Variants in PRKCQ observed in about 807,000 individuals in gnomAD.
PRKCQ encodes the protein protein kinase C theta, also known as protein kinase C theta type.
PRKCQ carries 41 observed loss-of-function variants against 91.2 expected under a neutral mutation model. The ratio of observed to expected loss-of-function variants is 0.45; its 90% confidence interval spans 0.35 to 0.58. PRKCQ has a LOEUF of 0.58. Among genes scored for constraint, PRKCQ ranks in the 20% least tolerant of loss-of-function variants. The probability of loss-of-function intolerance (pLI) is 0.00; values close to 1 mark genes in which losing one functional copy is unlikely to be tolerated. For missense variants in PRKCQ, 673 were observed against 896.5 expected, an observed-to-expected ratio of 0.75 and a Z score of 3.18; for synonymous variants, 307 against 316.9, an observed-to-expected ratio of 0.97 and a Z score of 0.33.
intron 1 of PRKCQ, among the ~76,000 whole-genome samples, chr10:6,551,574 T>G (rs1341897935): frequency 6.6e-6 from 1 of 151,994 alleles, no homozygotes; most frequent in Non-Finnish European, 1.5e-5. Flanking sequence ...TATTTTGTAT[T>G]TTTAGTAGAG....
Position 6,517,586 on chromosome 10 carries a change from A to T in PRKCQ, c.-9-2442T>A, listed in dbSNP as rs77452246. 8.7e-3 allele frequency among the ~76,000 whole-genome samples: 733 copies of T among 84,142 alleles called. 9 individuals carry two copies. Among genetic ancestry groups the T allele is most frequent in the African/African-American group, 0.036 (705 of 19,838 alleles). 55.2% of individuals were successfully genotyped at this position (84,142 alleles called of 152,430 possible). A position where few individuals can be genotyped will look rare whatever the true frequency, so the allele number is the denominator to read the frequency against. On this transcript the variant is annotated intron_variant, in intron 1 of 17. Transcript: ENST00000263125. ...GAAAAAAATGCATCTTTAAGATAGC[A>T]TCTTTTTTTTTTTTTTTTTTTTTTT...
intron 15 of PRKCQ, among the ~76,000 whole-genome samples, chr10:6,449,811 C>G (rs1051031271): frequency 1.4e-3 from 217 of 152,270 alleles, no homozygotes; most frequent in African/African-American, 4.9e-3. Flanking sequence ...TTTCAACCCA[C>G]AATTTCATAT....
Position 6,428,273 on chromosome 10 carries a change from G to A in PRKCQ, c.2055C>T (p.Ser685=), listed in dbSNP as rs769018016. 3.7e-6 allele frequency: 6 copies of A among 1,614,068 alleles called. No homozygotes were observed. The highest frequency in any genetic ancestry group is 3.3e-5 in the Admixed American group (2 of 59,990). ...AGTTCCTGAACATATTCTGGTCCAT[G>A]CTGTTGATCAGTGCTCTGTCGGCAA... ...LSFADRALIN[S]MDQNMFRNFS... Residue 685 remains serine (S), a synonymous_variant, in exon 18 of 18, where the codon AGC becomes AGT. Coordinates refer to ENST00000263125, the MANE Select transcript of PRKCQ (RefSeq NM_006257.5).
At chr10:6,520,463 G>A (rs1477896038) in intron 1 of PRKCQ, among the ~76,000 whole-genome samples, 1 of 152,188 alleles carries the variant, frequency 6.6e-6, no homozygotes, top group Non-Finnish European at 1.5e-5. Context: ...CAGCCTGAAT[G>A]ATCTTAGGAT....
chr10:6,441,822 A>G (rs1481945671), intron 16 of PRKCQ, 71 bp downstream of exon 16: 3 of 1,453,654 alleles, frequency 2.1e-6, no homozygotes, highest in Non-Finnish European at 2.8e-6. Flanking sequence ...GTTGGAAACT[A>G]AGAGGAACAG....
chr10:6,519,116 A>C (rs1238034150), intron 1 of PRKCQ, among the ~76,000 whole-genome samples: 1 of 152,242 alleles, frequency 6.6e-6, no homozygotes, highest in African/African-American at 2.4e-5. Flanking sequence ...ATACACAAGA[A>C]AGAAATTAAC....
At chr10:6,411,713 C>T in the PRKCQ span, among the ~76,000 whole-genome samples, 1 of 152,260 alleles carries the variant, frequency 6.6e-6, no homozygotes, top group Admixed American at 6.5e-5. Flanking sequence ...AAAATATTGG[C>T]TAAATTGTCC....
intron 16 of PRKCQ, among the ~76,000 whole-genome samples, chr10:6,431,235 A>T (rs1383222334): frequency 6.6e-6 from 1 of 152,192 alleles, no homozygotes; most frequent in African/African-American, 2.4e-5. Flanking sequence ...CAGTTTCCTC[A>T]CCTGTAAAGT....
intron 8 of PRKCQ, among the ~76,000 whole-genome samples, chr10:6,491,359 G>A (rs1436106317): frequency 6.6e-6 from 1 of 152,222 alleles, no homozygotes; most frequent in African/African-American, 2.4e-5. Context: ...GAGGAAACTA[G>A]TAGTAGAAAG....
chr10:6,447,205 G>A (rs975772995), intron 15 of PRKCQ, among the ~76,000 whole-genome samples: 1 of 151,988 alleles, frequency 6.6e-6, no homozygotes, highest in Non-Finnish European at 1.5e-5. Flanking sequence ...TTAAGAGATC[G>A]AGACCATCCT....
chr10:6,472,555 T>TAAA (rs974674754), intron 12 of PRKCQ, among the ~76,000 whole-genome samples: 1 of 152,230 alleles, frequency 6.6e-6, no homozygotes, highest in Non-Finnish European at 1.5e-5. Context: ...AAATGCGTTT[T>TAAA]ACGCCTTGAG....
intron 11 of PRKCQ, among the ~76,000 whole-genome samples, chr10:6,482,653 T>G (rs1037510918): frequency 6.6e-6 from 1 of 152,134 alleles, no homozygotes; most frequent in Non-Finnish European, 1.5e-5. Flanking sequence ...TATTAGTCTG[T>G]TATCACACTG....
intron 3 of PRKCQ, 85 bp from the exon 4 acceptor site, chr10:6,507,581 G>A: frequency 8.5e-7 from 1 of 1,173,088 alleles, no homozygotes; most frequent in East Asian, 2.3e-5. Context: ...GACGATGGCA[G>A]GAGATTTCCA....
chr10:6,436,986 C>T (rs900549883), intron 16 of PRKCQ, among the ~76,000 whole-genome samples: 1 of 152,138 alleles, frequency 6.6e-6, no homozygotes, highest in African/African-American at 2.4e-5. Flanking sequence ...ATTTATGGGC[C>T]ATGAGGGGTG....
chr10:6,411,707 T>C, the PRKCQ span, among the ~76,000 whole-genome samples: 1 of 152,176 alleles, frequency 6.6e-6, no homozygotes, highest in African/African-American at 2.4e-5. Flanking sequence ...AAACCTAAAA[T>C]ATTGGCTAAA....
rs200711141 is a variant in PRKCQ, at chr10:6,428,294, G to A, written c.2034C>T (p.Ala678=). Residue 678 remains alanine, a synonymous_variant, in exon 18 of 18, where the codon GCC becomes GCT. Transcript: ENST00000263125. The part of the protein sequence containing the change: ...FLNEKPRLSF[A]DRALINSMDQ... ...CCATGCTGTTGATCAGTGCTCTGTC[G>A]GCAAATGACAGCCGGGGCTTCTCGT... 1.8e-4 allele frequency: 296 copies of A among 1,613,976 alleles called. 1 individual carries two copies. The highest frequency in any genetic ancestry group is 3.7e-4 in the South Asian group (34 of 91,070).
At chr10:6,431,888 C>G (rs1833446237) in intron 16 of PRKCQ, among the ~76,000 whole-genome samples, 1 of 152,358 alleles carries the variant, frequency 6.6e-6, no homozygotes, top group Non-Finnish European at 1.5e-5. Context: ...CCTCTCTGCA[C>G]TGTTCCTTCT....
At chr10:6,405,997 T>G in the PRKCQ span, among the ~76,000 whole-genome samples, 500 of 152,320 alleles carry the variant, frequency 3.3e-3, 5 homozygotes, top group African/African-American at 0.011. Context: ...GCTCGCACAT[T>G]CAGAGGGCCC....
rs372278219 is a variant in PRKCQ at position 6,441,989 on chromosome 10, G to A, written c.1740C>T (p.His580=). Reference sequence around the variant, plus strand: ...GGAAGAGCTCCTCCTCATCCTGCCCGTGGAAAGGCGACTGACCAATCAGCA... The same window carrying A: ...GGAAGAGCTCCTCCTCATCCTGCCCATGGAAAGGCGACTGACCAATCAGCA... ...YEMLIGQSPF[H]GQDEEELFHS... is the part of the protein sequence containing the mutation. The change falls in exon 16 of 18, where the codon CAC becomes CAT. Residue 580 remains histidine (H), a synonymous_variant. Coordinates refer to ENST00000263125, the MANE Select transcript of PRKCQ (RefSeq NM_006257.5). The A allele has an allele frequency of 6.0e-5, 97 of 1,614,090 alleles. No individual in the cohort carries two copies. Among genetic ancestry groups the A allele is most frequent in the African/African-American group, 2.0e-4 (15 of 75,026 alleles).
Sources: gnomAD v4.1 joint callset for allele counts (sites outside exome capture counted in the v4.1 genomes callset) on GRCh38, gnomAD v4.1.1 for gene constraint, MANE v1.5 for transcripts, NCBI Gene and HGNC (gene_info 2026-07-23, HGNC 2026-07-21) for gene names.